ADPRH: variants seen among roughly 807,000 people sequenced by gnomAD.
ADPRH encodes ADP-ribosylarginine hydrolase, also known as ADP-ribose-L-arginine cleaving enzyme.
ADPRH carries 27 observed loss-of-function variants against 28.8 expected under a neutral mutation model. The observed-to-expected ratio is 0.94, with a 90% CI of 0.69 to 1.29. ADPRH has a LOEUF of 1.29. Among genes scored for constraint, ADPRH ranks in the 50% most tolerant of loss-of-function variants. The probability of loss-of-function intolerance (pLI) is 0.00; values close to 1 mark genes in which losing one functional copy is unlikely to be tolerated. For synonymous variants in ADPRH, 161 were observed against 166.9 expected (o/e 0.96, Z 0.27); for missense variants, 419 against 444.8 (o/e 0.94, Z 0.52).
At chr3:119,582,716 A>G (rs1179489309) in intron 3 of ADPRH, among the ~76,000 whole-genome samples, 1 of 152,228 alleles carries the variant, frequency 6.6e-6, no homozygotes, top group African/African-American at 2.4e-5. Flanking sequence ...CCCTGTCTCT[A>G]GAATGGGGTA....
In ADPRH at chr3:119,588,518, C is replaced by G. The variant is rs1051545202; in HGVS notation, c.*640C>G. On this transcript the variant is annotated 3_prime_UTR_variant, in exon 5 of 5. Coordinates refer to ENST00000357003, the MANE Select transcript of ADPRH (RefSeq NM_001125.4). ...AACTCCCTGGTAATTCTTGGCTTAC[C>G]CTTTGTACAAACCAAACCTTAGTGT... 1 of 152,226 alleles carries G rather than the reference C, an allele frequency of 6.6e-6. No homozygotes were observed. The highest frequency in any genetic ancestry group is 1.5e-5 in the Non-Finnish European group (1 of 68,064). 9.4% of individuals were successfully genotyped at this position (152,226 alleles called of 1,614,324 possible).
rs2082482402 is a variant in ADPRH, at chr3:119,588,079, A to G, written c.*201A>G. 1 of 482,770 alleles carries G rather than the reference A, an allele frequency of 2.1e-6. No individual in the cohort carries two copies. The highest frequency in any genetic ancestry group is 3.5e-6 in the Non-Finnish European group (1 of 286,072). The allele number at this position is 482,770 out of a possible 1,614,324, so 29.9% of individuals were successfully genotyped here. A position where few individuals can be genotyped will look rare whatever the true frequency, so the allele number is the denominator to read the frequency against. On this transcript the variant is annotated 3_prime_UTR_variant, in exon 5 of 5. Coordinates refer to ENST00000357003, the MANE Select transcript of ADPRH (RefSeq NM_001125.4). ...ATCTATCCCTTTTCTTACACTGAAG[A>G]GTCCTTTAGCTCAATTGATAGGGTC... is the stretch of plus-strand genomic sequence containing the variant.
chr3:119,586,692 C>A, intron 4 of ADPRH, 47 bp downstream of exon 4: 1 of 1,596,604 alleles, frequency 6.3e-7, no homozygotes. Context: ...TGAATCTGTG[C>A]GTGTACATCC....
rs950181086 is a variant in ADPRH, at chr3:119,588,415, T to C, written c.*537T>C. On this transcript the variant is annotated 3_prime_UTR_variant, in exon 5 of 5. Coordinates refer to ENST00000357003, the MANE Select transcript of ADPRH (RefSeq NM_001125.4). ...AAAGCATTCCTCAGAACTGTCCCAT[T>C]TGAAGGGCAAGCAAACCTGGGGTAT... The C allele has an allele frequency of 6.6e-6, 1 of 152,218 alleles. No individual in the cohort carries two copies. The highest frequency in any genetic ancestry group is 1.5e-5 in the Non-Finnish European group (1 of 68,066). 9.4% of individuals were successfully genotyped at this position (152,218 alleles called of 1,614,324 possible).
intron 3 of ADPRH, among the ~76,000 whole-genome samples, chr3:119,583,218 T>A (rs555551221): frequency 6.6e-6 from 1 of 152,158 alleles, no homozygotes; most frequent in Admixed American, 6.5e-5. Context: ...GACAAAGCAA[T>A]ACCCTGACTC....
Position 119,579,666 on chromosome 3 carries a change from C to A in ADPRH, c.-308C>A, listed in dbSNP as rs371149007. 1 of 152,382 alleles carries A rather than the reference C, an allele frequency of 6.6e-6. No homozygotes were observed. The highest frequency in any genetic ancestry group is 1.9e-4 in the East Asian group (1 of 5,210). The allele number at this position is 152,382 out of a possible 1,614,324, so 9.4% of individuals were successfully genotyped here. On this transcript the variant is annotated 5_prime_UTR_variant, in exon 1 of 5. Transcript: ENST00000357003. ...GGCTCCAAGATTAGCTCACTCAGCG[C>A]GGCCAAGCGCAGGTGCGGGGGCCCT...
At chr3:119,583,497 A>G (rs1224159662) in intron 3 of ADPRH, among the ~76,000 whole-genome samples, 1 of 152,206 alleles carries the variant, frequency 6.6e-6, no homozygotes, top group African/African-American at 2.4e-5. Context: ...TGATTTGTCA[A>G]TTTAAATATT....
chr3:119,586,262 T>A (rs763506189), intron 3 of ADPRH, 23 bp from the exon 4 acceptor site: 12 of 1,611,962 alleles, frequency 7.4e-6, no homozygotes, highest in Admixed American at 1.7e-5. Context: ...CTAACCCCCA[T>A]CCCTTATCCG....
At chr3:119,580,345 T>G (rs912689195) in intron 1 of ADPRH, 5 of 152,368 alleles carry the variant, frequency 3.3e-5, no homozygotes, top group Non-Finnish European at 5.9e-5. Flanking sequence ...ACCTCCCCAC[T>G]TCCCCCTCCA....
chr3:119,586,223 T>C, intron 3 of ADPRH, 62 bp from the exon 4 acceptor site: 3 of 1,583,476 alleles, frequency 1.9e-6, no homozygotes, highest in Non-Finnish European at 2.6e-6. Context: ...TAGTTATTTA[T>C]TCCTGCTGGG....
At chr3:119,585,854 G>T (rs1477003776) in intron 3 of ADPRH, among the ~76,000 whole-genome samples, 2 of 152,166 alleles carry the variant, frequency 1.3e-5, no homozygotes, top group African/African-American at 4.8e-5. Flanking sequence ...CGGCCTAATT[G>T]TAAGGTTCTT....
At chr3:119,586,165 A>G in intron 3 of ADPRH, 120 bp from the exon 4 acceptor site, 1 of 1,449,612 alleles carries the variant, frequency 6.9e-7, no homozygotes, top group Non-Finnish European at 9.5e-7. Flanking sequence ...ATGCATCATC[A>G]TATTTTTTGG....
At chr3:119,582,011 G>T (rs1323824014) in intron 2 of ADPRH, 123 bp from the exon 3 acceptor site, 22 of 716,744 alleles carry the variant, frequency 3.1e-5, no homozygotes, top group Non-Finnish European at 4.8e-5. Flanking sequence ...AGGATTACAT[G>T]AGATGCCACT....
rs780234725 is a variant in ADPRH at position 119,587,566 on chromosome 3, G to A, written c.762G>A (p.Arg254=). ...TFPESFGVKE[R]DQFYTSLSYS... ...CTGAGTCTTTCGGTGTGAAGGAGAG[G>A]GATCAGTTCTACACCTCCCTGAGCT... The change falls in exon 5 of 5, where the codon AGG becomes AGA. Residue 254 remains arginine (R), a synonymous_variant. Transcript: ENST00000357003. 1.2e-6 allele frequency: 2 copies of A among 1,613,084 alleles called. No homozygotes were observed. Among genetic ancestry groups the A allele is most frequent in the African/African-American group, 2.7e-5 (2 of 74,878 alleles).
Position 119,588,021 on chromosome 3 carries a change from T to C in ADPRH, c.*143T>C. On this transcript the variant is annotated 3_prime_UTR_variant, in exon 5 of 5. Transcript: ENST00000357003. The stretch of plus-strand genomic sequence containing the variant: ...AACAAGTCCCTTGGGCACCTTAAGC[T>C]CAGTTTTTTCAGGCTCATCCTGTTC... 1.3e-6 allele frequency: 1 copy of C among 790,764 alleles called. No individual in the cohort carries two copies. The highest frequency in any genetic ancestry group is 1.9e-6 in the Non-Finnish European group (1 of 531,842). The allele number at this position is 790,764 out of a possible 1,614,324, so 49.0% of individuals were successfully genotyped here. A position where few individuals can be genotyped will look rare whatever the true frequency, so the allele number is the denominator to read the frequency against.
At chr3:119,585,408 G>A (rs2082448956) in intron 3 of ADPRH, among the ~76,000 whole-genome samples, 1 of 152,198 alleles carries the variant, frequency 6.6e-6, no homozygotes, top group Non-Finnish European at 1.5e-5. Context: ...AAGGCCCAGA[G>A]GTTCAGTGAC....
At chr3:119,584,043 G>T (rs1353271579) in intron 3 of ADPRH, among the ~76,000 whole-genome samples, 1 of 151,642 alleles carries the variant, frequency 6.6e-6, no homozygotes, top group African/African-American at 2.4e-5. Context: ...CTCCCAAAGT[G>T]CTGGGATTAC....
chr3:119,582,089 T>TA, intron 2 of ADPRH, 45 bp from the exon 3 acceptor site: 3 of 1,405,140 alleles, frequency 2.1e-6, no homozygotes, highest in Non-Finnish European at 2.9e-6. Flanking sequence ...TTCTGATTCT[T>TA]CTTGCTCCTC....
At chr3:119,580,406 C>G (rs1313287849) in intron 1 of ADPRH, 145 bp from the exon 2 acceptor site, 1 of 152,070 alleles carries the variant, frequency 6.6e-6, no homozygotes, top group South Asian at 2.1e-4. Context: ...GTCTAGTAGC[C>G]CAGAATCTCA....
Sources: gnomAD v4.1 joint callset for allele counts (sites outside exome capture counted in the v4.1 genomes callset) on GRCh38, gnomAD v4.1.1 for gene constraint, MANE v1.5 for transcripts, NCBI Gene and HGNC (gene_info 2026-07-23, HGNC 2026-07-21) for gene names.